XKR4: variants seen among roughly 807,000 people sequenced by gnomAD.
XKR4 encodes the protein XK related 4.
XKR4 carries 12 observed loss-of-function variants against 53.9 expected under a neutral mutation model. The ratio of observed to expected loss-of-function variants is 0.22; its 90% CI spans 0.14 to 0.36. The LOEUF is 0.36. Among genes scored for constraint, XKR4 ranks in the 10% least tolerant of loss-of-function variants. The pLI, the probability that XKR4 is intolerant of heterozygous loss-of-function variation, is 1.00. For synonymous variants in XKR4, 354 were observed against 362.4 expected (o/e 0.98, Z 0.26); for missense variants, 799 against 859.5 (o/e 0.93, Z 0.88).
Position 55,478,862 on chromosome 8 carries a change from T to A in XKR4, c.1007-44419T>A, listed in dbSNP as rs371608115. Among the ~76,000 whole-genome samples the A allele has an allele frequency of 5.8e-4, 89 of 152,200 alleles. No homozygotes were observed. In the East Asian group the frequency reaches 0.016, roughly 27 times the overall value. ...CAAGAAGAGCTAACTATCCTAAATA[T>A]ATATGCACCCAATACAGGAGCACCC... On this transcript the variant is annotated intron_variant, in intron 2 of 2. Transcript: ENST00000327381.
At chr8:55,449,530 C>G in intron 2 of XKR4, 1 of 1,474,220 alleles carries the variant, frequency 6.8e-7, no homozygotes, top group Non-Finnish European at 9.4e-7. Context: ...ACAGTCAGCT[C>G]TGGATCCGGT....
intron 2 of XKR4, among the ~76,000 whole-genome samples, chr8:55,411,311 T>A (rs1164679068): frequency 6.6e-6 from 1 of 152,122 alleles, no homozygotes; most frequent in Non-Finnish European, 1.5e-5. Flanking sequence ...CTCATCAAAT[T>A]CTTGTGAGGA....
intron 2 of XKR4, among the ~76,000 whole-genome samples, chr8:55,500,948 A>G (rs1806427453): frequency 6.6e-6 from 1 of 152,154 alleles, no homozygotes; most frequent in Non-Finnish European, 1.5e-5. Flanking sequence ...CACCCAAAAG[A>G]TATGTGCTGG....
chr8:55,453,957 C>A, intron 2 of XKR4: 2 of 697,254 alleles, frequency 2.9e-6, no homozygotes, highest in South Asian at 2.9e-5. Context: ...TCCACCAGCC[C>A]ACACTGGCCC....
intron 2 of XKR4, among the ~76,000 whole-genome samples, chr8:55,433,019 G>C (rs998077936): frequency 5.9e-5 from 9 of 152,168 alleles, no homozygotes; most frequent in Non-Finnish European, 1.3e-4. Context: ...GCTTGTAAAG[G>C]AGTATCACTT....
chr8:55,428,402 C>T (rs1195390699), intron 2 of XKR4, among the ~76,000 whole-genome samples: 1 of 152,166 alleles, frequency 6.6e-6, no homozygotes, highest in Admixed American at 6.5e-5. Context: ...GGTAGAGAGA[C>T]ATCCCAGCAA....
intron 2 of XKR4, among the ~76,000 whole-genome samples, chr8:55,515,040 T>G (rs1459475553): frequency 6.6e-6 from 1 of 152,208 alleles, no homozygotes; most frequent in Admixed American, 6.5e-5. Context: ...TCTTCCATAT[T>G]TGTCAAGAAG....
At chr8:55,265,265 A>G (rs563211078) in intron 1 of XKR4, among the ~76,000 whole-genome samples, 4 of 152,344 alleles carry the variant, frequency 2.6e-5, no homozygotes, top group African/African-American at 9.6e-5. Context: ...CAGGAAATAA[A>G]GACTAGGAAA....
chr8:55,432,963 T>G (rs750796794), intron 2 of XKR4, among the ~76,000 whole-genome samples: 14 of 152,196 alleles, frequency 9.2e-5, no homozygotes, highest in Non-Finnish European at 1.9e-4. Flanking sequence ...CCTGCTCTCG[T>G]GATCATGGCC....
chr8:55,460,497 G>A (rs13277956), intron 2 of XKR4, among the ~76,000 whole-genome samples: 5,908 of 152,286 alleles, frequency 0.039, 168 homozygotes, highest in Middle Eastern at 0.071. Flanking sequence ...AAGTATGGGA[G>A]GGTGGAGCCA....
At chr8:55,191,514 T>C (rs1817443694) in intron 1 of XKR4, among the ~76,000 whole-genome samples, 2 of 152,130 alleles carry the variant, frequency 1.3e-5, no homozygotes, top group South Asian at 4.1e-4. Flanking sequence ...ATCTTCCCAC[T>C]CTTCACAAGT....
At chr8:55,252,936 A>C (rs759716841) in intron 1 of XKR4, among the ~76,000 whole-genome samples, 23 of 152,108 alleles carry the variant, frequency 1.5e-4, no homozygotes, top group Non-Finnish European at 3.2e-4. Context: ...CGTTGCCTTC[A>C]GCTTGTCCTG....
intron 1 of XKR4, among the ~76,000 whole-genome samples, chr8:55,147,367 G>A (rs1349519877): frequency 6.6e-6 from 1 of 152,250 alleles, no homozygotes; most frequent in African/African-American, 2.4e-5. Flanking sequence ...AGCCTCAAGA[G>A]TGAGCTGAGA....
chr8:55,361,695 C>T (rs536760150), intron 2 of XKR4, among the ~76,000 whole-genome samples: 5 of 152,104 alleles, frequency 3.3e-5, no homozygotes, highest in African/African-American at 1.2e-4. Flanking sequence ...AAACAAGATT[C>T]CTGAGCAAGT....
chr8:55,392,251 G>A (rs1395391), intron 2 of XKR4, among the ~76,000 whole-genome samples: 79,724 of 151,772 alleles, frequency 0.53, 21,584 homozygotes, highest in Middle Eastern at 0.6. Flanking sequence ...ACTGAGAGAG[G>A]GCTCCTTGGA....
intron 2 of XKR4, among the ~76,000 whole-genome samples, chr8:55,483,233 A>G (rs959735278): frequency 6.6e-6 from 1 of 152,188 alleles, no homozygotes; most frequent in Non-Finnish European, 1.5e-5. Context: ...TTATATTTCT[A>G]TAATTTCAAC....
chr8:55,173,486 C>A (rs1044388864), intron 1 of XKR4, among the ~76,000 whole-genome samples: 1 of 152,262 alleles, frequency 6.6e-6, no homozygotes, highest in Admixed American at 6.5e-5. Context: ...ACACATGATA[C>A]TGTTTCATGC....
At chr8:55,512,351 C>T (rs1806640341) in intron 2 of XKR4, among the ~76,000 whole-genome samples, 1 of 152,140 alleles carries the variant, frequency 6.6e-6, no homozygotes, top group Admixed American at 6.5e-5. Flanking sequence ...ACCTGAGTCC[C>T]TTTGTCTGGG....
chr8:55,170,836 C>T (rs1054956629), intron 1 of XKR4, among the ~76,000 whole-genome samples: 3 of 152,062 alleles, frequency 2.0e-5, no homozygotes, highest in African/African-American at 7.2e-5. Flanking sequence ...CGGACACGGG[C>T]GGGAGCTTGG....
Sources: gnomAD v4.1 joint callset for allele counts (sites outside exome capture counted in the v4.1 genomes callset) on GRCh38, gnomAD v4.1.1 for gene constraint, MANE v1.5 for transcripts, NCBI Gene and HGNC (gene_info 2026-07-23, HGNC 2026-07-21) for gene names.